ZNF827: variants seen among roughly 807,000 people sequenced by gnomAD.
The protein encoded by ZNF827 is zinc finger protein 827.
ZNF827 carries 13 observed loss-of-function variants against 102.4 expected under a neutral mutation model. The ratio of observed to expected loss-of-function variants is 0.13; its 90% CI spans 0.08 to 0.20. The LOEUF is 0.20. Ranked by LOEUF, ZNF827 falls within the 10% of genes least tolerant of loss-of-function variation. The pLI is 1.00. For missense variants in ZNF827, 1,103 were observed against 1,344.4 expected (o/e 0.82, Z 2.81); for synonymous variants, 523 against 536.2 (o/e 0.98, Z 0.34).
In ZNF827 at chr4:145,822,566, G is replaced by A. The variant is rs938359279; in HGVS notation, c.2383+856C>T. On this transcript the variant is annotated intron_variant, in intron 8 of 14. Coordinates refer to ENST00000508784, the MANE Select transcript of ZNF827 (RefSeq NM_001306215.2). ...TACTGCCCTGCACACAGGTGGCCAC[G>A]GTTTCCTGGACAAATGAATGTGGAT... is the stretch of plus-strand genomic sequence containing the variant. Among the ~76,000 whole-genome samples the A allele has an allele frequency of 2.6e-5, 4 of 152,104 alleles. No individual in the cohort carries two copies. In the East Asian group the frequency reaches 5.8e-4, roughly 22 times the overall value.
intron 9 of ZNF827, among the ~76,000 whole-genome samples, chr4:145,778,978 G>C (rs539149506): frequency 6.6e-6 from 1 of 152,086 alleles, no homozygotes; most frequent in African/African-American, 2.4e-5. Context: ...CATAAATAAA[G>C]GCAGAAGCTG....
chr4:145,841,555 G>A (rs753882240), intron 7 of ZNF827, among the ~76,000 whole-genome samples: 1 of 152,210 alleles, frequency 6.6e-6, no homozygotes, highest in African/African-American at 2.4e-5. Context: ...TTGTCAGATA[G>A]AGTGGCATTA....
chr4:145,781,691 C>T (rs749712808), intron 8 of ZNF827, among the ~76,000 whole-genome samples: 8 of 152,178 alleles, frequency 5.3e-5, no homozygotes, highest in Non-Finnish European at 1.0e-4. Context: ...TACTCTTAAA[C>T]AGCTGTCCTT....
rs1278886538 is a variant in ZNF827 at position 145,814,896 on chromosome 4, G to A, written c.2383+8526C>T. On this transcript the variant is annotated intron_variant, in intron 8 of 14. Transcript: ENST00000508784. Reference sequence around the variant, plus strand: ...GTGGAGGATGCAGTCAGCTGAGATCGTGCCACTGCACTCCAGCCTGGGCGA... The same window carrying A: ...GTGGAGGATGCAGTCAGCTGAGATCATGCCACTGCACTCCAGCCTGGGCGA... Among the ~76,000 whole-genome samples, 4 of 152,086 alleles carry A rather than the reference G, an allele frequency of 2.6e-5. No individual in the cohort carries two copies. The East Asian group carries it at 5.8e-4, about 22-fold the overall frequency.
intron 1 of ZNF827, chr4:145,907,231 C>T (rs1287050786): frequency 8.8e-6 from 4 of 455,804 alleles, no homozygotes; most frequent in Non-Finnish European, 8.8e-6. Flanking sequence ...CTGCTGGGCT[C>T]CTCTATTTTC....
chr4:145,783,793 A>C (rs1738456967), intron 8 of ZNF827, among the ~76,000 whole-genome samples: 1 of 152,220 alleles, frequency 6.6e-6, no homozygotes, highest in South Asian at 2.1e-4. Context: ...CCAACTCCCA[A>C]GGATGGAGAA....
Position 145,880,511 on chromosome 4 carries a change from C to T in ZNF827, c.1747+5167G>A, listed in dbSNP as rs1283076376. 2.6e-5 allele frequency among the ~76,000 whole-genome samples: 4 copies of T among 152,228 alleles called. No homozygotes were observed. In the East Asian group the frequency reaches 7.7e-4, roughly 29 times the overall value. On this transcript the variant is annotated intron_variant, in intron 4 of 14. Coordinates refer to ENST00000508784, the MANE Select transcript of ZNF827 (RefSeq NM_001306215.2). ...CGTATAATCCTCCAGGTCCCACTTACTTATAGTCCTACCTGCTCCTTTCTT... is the reference window on the plus strand; with the variant it reads ...CGTATAATCCTCCAGGTCCCACTTATTTATAGTCCTACCTGCTCCTTTCTT...
At chr4:145,876,941 T>C (rs1166983019) in intron 4 of ZNF827, 1 of 152,164 alleles carries the variant, frequency 6.6e-6, no homozygotes, top group Non-Finnish European at 1.5e-5. Context: ...CAAACTGAGA[T>C]CAGCAAAATA....
At chr4:145,920,216 A>G (rs1752959752) in intron 1 of ZNF827, among the ~76,000 whole-genome samples, 2 of 152,240 alleles carry the variant, frequency 1.3e-5, no homozygotes, top group African/African-American at 4.8e-5. Flanking sequence ...ATTGTTACCC[A>G]GCTCTATATC....
At chr4:145,904,070 C>T (rs1471551410) in intron 1 of ZNF827, among the ~76,000 whole-genome samples, 3 of 152,230 alleles carry the variant, frequency 2.0e-5, no homozygotes, top group South Asian at 2.1e-4. Context: ...CACTACCACT[C>T]CCATGACACT....
rs777340783 is a variant in ZNF827 at position 145,849,443 on chromosome 4, G to A, written c.2100C>T (p.Ile700=). ...PSRNVGYSTL[I]GREKTEPLQK... ...GTAAGGGTTCGGTTTTCTCTCGCCC[G>A]ATTAAAGTGCTGTAGCCAACATTCC... Residue 700 remains isoleucine, a synonymous_variant, in exon 6 of 15, where the codon ATC becomes ATT. Coordinates refer to ENST00000508784, the MANE Select transcript of ZNF827 (RefSeq NM_001306215.2). The A allele has an allele frequency of 5.6e-6, 9 of 1,614,048 alleles. No individual in the cohort carries two copies. Among genetic ancestry groups the A allele is most frequent in the East Asian group, 2.2e-5 (1 of 44,886 alleles).
At chr4:145,937,471 C>T (rs1754280301) in intron 1 of ZNF827, among the ~76,000 whole-genome samples, 1 of 151,024 alleles carries the variant, frequency 6.6e-6, no homozygotes, top group East Asian at 1.9e-4. Context: ...ACCTCGCGCG[C>T]CGCGAGCCGC....
chr4:145,880,834 G>A (rs1291099715), intron 4 of ZNF827, among the ~76,000 whole-genome samples: 1 of 152,246 alleles, frequency 6.6e-6, no homozygotes, highest in Non-Finnish European at 1.5e-5. Context: ...GCCCAGGCGT[G>A]GGGAGTGGGA....
At chr4:145,834,450 T>C (rs1744600356) in intron 7 of ZNF827, among the ~76,000 whole-genome samples, 1 of 152,136 alleles carries the variant, frequency 6.6e-6, no homozygotes, top group Non-Finnish European at 1.5e-5. Flanking sequence ...TAGGTCCCAA[T>C]TCTTCCTCAG....
intron 7 of ZNF827, chr4:145,839,561 A>C (rs1745215522): frequency 6.6e-6 from 1 of 152,286 alleles, no homozygotes; most frequent in Non-Finnish European, 1.5e-5. Flanking sequence ...GGCCCACTGC[A>C]TCATGCAAGA....
In ZNF827 at chr4:145,765,277, T is replaced by C; in HGVS notation, c.3053-112A>G. The C allele has an allele frequency of 8.3e-7, 1 of 1,211,490 alleles. No homozygotes were observed. The highest frequency in any genetic ancestry group is 1.1e-6 in the Non-Finnish European group (1 of 887,470). 75.0% of individuals were successfully genotyped at this position (1,211,490 alleles called of 1,614,324 possible). A position where few individuals can be genotyped will look rare whatever the true frequency, so the allele number is the denominator to read the frequency against. ...CCCGCCTCCTCCGACGCCTGACAGC[T>C]ATACCCTTCCAGGCACTGTTCCCCA... is the stretch of plus-strand genomic sequence containing the variant. On this transcript the variant is annotated intron_variant, in intron 12 of 14. Transcript: ENST00000508784. The surrounding 1 kb of genome is among the most constrained non-coding windows in gnomAD (Gnocchi z 4.7).
intron 7 of ZNF827, among the ~76,000 whole-genome samples, chr4:145,843,762 C>G (rs1212935641): frequency 1.3e-5 from 2 of 152,208 alleles, no homozygotes; most frequent in Non-Finnish European, 2.9e-5. Context: ...CCGCTGTCCC[C>G]ATTGGAACCC....
At chr4:145,834,752 C>T (rs1327330538) in intron 7 of ZNF827, among the ~76,000 whole-genome samples, 13 of 151,990 alleles carry the variant, frequency 8.6e-5, no homozygotes, top group African/African-American at 4.8e-5. Context: ...GTCAAAAGGC[C>T]GTCTTATTCT....
At chr4:145,878,221 C>T (rs1749323936) in intron 4 of ZNF827, among the ~76,000 whole-genome samples, 1 of 152,154 alleles carries the variant, frequency 6.6e-6, no homozygotes, top group African/African-American at 2.4e-5. Context: ...CAAAGGCCCA[C>T]CTCTTTACAG....
Sources: allele counts gnomAD v4.1 joint callset (sites outside exome capture counted in the v4.1 genomes callset), GRCh38; gene constraint gnomAD v4.1.1; non-coding constraint Gnocchi (gnomAD v3.1); transcripts MANE v1.5; gene names NCBI Gene and HGNC (gene_info 2026-07-23, HGNC 2026-07-21).